MICU2: variants seen among roughly 807,000 people sequenced by gnomAD.
MICU2 encodes the protein calcium uptake protein 2, mitochondrial.
A neutral mutation model predicts 60.4 loss-of-function variants in MICU2; 64 were observed. The ratio of observed to expected loss-of-function variants is 1.06; its 90% CI spans 0.87 to 1.31. The LOEUF is 1.31. Among genes scored for constraint, MICU2 ranks in the 50% most tolerant of loss-of-function variants. MICU2 has a pLI of 0.00. For missense variants in MICU2, 569 were observed against 531.0 expected, an observed-to-expected ratio of 1.07 and a Z score of -0.70; for synonymous variants, 201 against 175.0, an observed-to-expected ratio of 1.15 and a Z score of -1.17.
intron 1 of MICU2, among the ~76,000 whole-genome samples, chr13:21,597,012 T>C (rs527646529): frequency 6.6e-6 from 1 of 152,312 alleles, no homozygotes; most frequent in African/African-American, 2.4e-5. Context: ...AATGAAAATA[T>C]AATCTTAAAT....
At chr13:21,535,628 T>G (rs1874593505) in intron 4 of MICU2, among the ~76,000 whole-genome samples, 1 of 151,926 alleles carries the variant, frequency 6.6e-6, no homozygotes, top group African/African-American at 2.4e-5. Context: ...AGGCTAAGGC[T>G]CAGTTAATAT....
At chr13:21,502,318 TAAAG>T (rs1239573026) in intron 9 of MICU2, among the ~76,000 whole-genome samples, 3 of 152,252 alleles carry the variant, frequency 2.0e-5, no homozygotes, top group Middle Eastern at 3.4e-3. Context: ...CATAAAGGTA[TAAAG>T]AAAGAAAGTA....
Position 21,531,240 on chromosome 13 carries a change from A to C in MICU2, c.466+8062T>G, listed in dbSNP as rs1027002868. 10 of 1,188,372 alleles carry C rather than the reference A, an allele frequency of 8.4e-6. No individual in the cohort carries two copies. The African/African-American group carries it at 1.4e-4, about 16-fold the overall frequency. The allele number at this position is 1,188,372 out of a possible 1,614,324, so 73.6% of individuals were successfully genotyped here. The stretch of plus-strand genomic sequence containing the variant: ...CCTAGCTCAAGAAAAGGACACTATA[A>C]GAAAGGAATATTGGAGATAGATTGG... On this transcript the variant is annotated intron_variant, in intron 4 of 11. Coordinates refer to ENST00000382374, the MANE Select transcript of MICU2 (RefSeq NM_152726.3).
chr13:21,493,958 GA>G (rs1341440974), intron 11 of MICU2, among the ~76,000 whole-genome samples: 1 of 152,140 alleles, frequency 6.6e-6, no homozygotes, highest in Non-Finnish European at 1.5e-5. Flanking sequence ...TAGCACTGAT[GA>G]AAATTAGCCA....
At chr13:21,519,420 T>C (rs1024838962) in intron 6 of MICU2, among the ~76,000 whole-genome samples, 4 of 152,092 alleles carry the variant, frequency 2.6e-5, no homozygotes, top group Non-Finnish European at 5.9e-5. Context: ...CAGACTCCAT[T>C]ATCCTGCACT....
intron 8 of MICU2, among the ~76,000 whole-genome samples, chr13:21,509,562 A>AC (rs11386196): frequency 0.18 from 28,006 of 152,146 alleles, 3,443 homozygotes; most frequent in Non-Finnish European, 0.28. Flanking sequence ...CAGCCAGCAA[A>AC]CCCATCAGCA....
intron 1 of MICU2, among the ~76,000 whole-genome samples, chr13:21,568,991 C>T (rs1017601339): frequency 6.6e-6 from 1 of 152,096 alleles, no homozygotes; most frequent in Non-Finnish European, 1.5e-5. Context: ...TGCCATCTTA[C>T]TGAGTTGAAA....
chr13:21,568,944 C>G (rs1047935325), intron 1 of MICU2, among the ~76,000 whole-genome samples: 1 of 151,940 alleles, frequency 6.6e-6, no homozygotes. Flanking sequence ...TACAGGATAA[C>G]ATTTTTGAAG....
intron 2 of MICU2, among the ~76,000 whole-genome samples, chr13:21,543,447 C>T (rs1887331511): frequency 6.6e-6 from 1 of 152,222 alleles, no homozygotes; most frequent in South Asian, 2.1e-4. Flanking sequence ...CCAAAAAACT[C>T]TTAGAATAAA....
intron 9 of MICU2, among the ~76,000 whole-genome samples, chr13:21,500,433 T>G (rs200657769): frequency 0.21 from 29,147 of 141,928 alleles, 3,191 homozygotes; most frequent in East Asian, 0.58. Context: ...TTTTTTTTTT[T>G]TTTTTTTTTT....
chr13:21,557,303 A>G (rs1315214637), intron 2 of MICU2, among the ~76,000 whole-genome samples: 1 of 152,172 alleles, frequency 6.6e-6, no homozygotes, highest in Non-Finnish European at 1.5e-5. Flanking sequence ...AAAGAACTAT[A>G]AGGCTAAAGA....
In MICU2 at chr13:21,574,735, C is replaced by T. The variant is rs554563628; in HGVS notation, c.211-7791G>A. 2.0e-4 allele frequency among the ~76,000 whole-genome samples: 31 copies of T among 152,232 alleles called. No homozygotes were observed. In the South Asian group the frequency reaches 4.6e-3, roughly 22 times the overall value. ...CCTATTCATTTGGGGCCTTTATTTT[C>T]GAATTTGTAATAATCTGGATAAAAT... On this transcript the variant is annotated intron_variant, in intron 1 of 11. Coordinates refer to ENST00000382374, the MANE Select transcript of MICU2 (RefSeq NM_152726.3).
chr13:21,504,415 C>T (rs1281757338), intron 8 of MICU2, among the ~76,000 whole-genome samples: 1 of 152,076 alleles, frequency 6.6e-6, no homozygotes, highest in African/African-American at 2.4e-5. Flanking sequence ...CTACCAGAGG[C>T]TGAAATATTA....
intron 7 of MICU2, among the ~76,000 whole-genome samples, chr13:21,511,900 C>T (rs1593318731): frequency 6.6e-6 from 1 of 151,650 alleles, no homozygotes; most frequent in East Asian, 1.9e-4. Context: ...CTTTTTATTG[C>T]AGAGCAGTAT....
chr13:21,521,275 A>G lies in MICU2; in HGVS notation c.567T>C (p.Asn189=), dbSNP rs905543206. Residue 189 remains asparagine, a synonymous_variant, in exon 6 of 12, where the codon AAT becomes AAC. Transcript: ENST00000382374. ...VAFKMLDTDG[N]EMIEKREFFK... ...AAAATTCCCTTTTTTCAATCATCTC[A>G]TTACCATCTGTATCCAGCATTTTAA... is the stretch of plus-strand genomic sequence containing the variant. 2.5e-6 allele frequency: 4 copies of G among 1,609,528 alleles called. No homozygotes were observed. Among genetic ancestry groups the G allele is most frequent in the African/African-American group, 2.7e-5 (2 of 74,702 alleles).
At chr13:21,506,995 G>A (rs940665724) in intron 8 of MICU2, among the ~76,000 whole-genome samples, 5 of 152,176 alleles carry the variant, frequency 3.3e-5, no homozygotes, top group African/African-American at 1.2e-4. Flanking sequence ...ATTATTAGAA[G>A]CCATTTTCTG....
intron 2 of MICU2, among the ~76,000 whole-genome samples, chr13:21,550,826 C>T (rs1046702816): frequency 2.6e-5 from 4 of 152,170 alleles, no homozygotes; most frequent in African/African-American, 9.7e-5. Flanking sequence ...TCCCGTTTTA[C>T]TGATGAGGAA....
intron 1 of MICU2, among the ~76,000 whole-genome samples, chr13:21,591,679 G>A (rs932843292): frequency 1.3e-5 from 2 of 152,122 alleles, no homozygotes; most frequent in Non-Finnish European, 2.9e-5. Context: ...CACTCTCTCA[G>A]ACCACAGTGC....
At chr13:21,523,715 G>C (rs1456032917) in intron 4 of MICU2, among the ~76,000 whole-genome samples, 1 of 152,178 alleles carries the variant, frequency 6.6e-6, no homozygotes, top group African/African-American at 2.4e-5. Flanking sequence ...GCACTAGTCT[G>C]GCTCCAGGGA....
Sources: gnomAD v4.1 joint callset for allele counts (sites outside exome capture counted in the v4.1 genomes callset) on GRCh38, gnomAD v4.1.1 for gene constraint, MANE v1.5 for transcripts, NCBI Gene and HGNC (gene_info 2026-07-23, HGNC 2026-07-21) for gene names.